The following EPC1 variants were observed in gnomAD, a reference collection of about 807,000 sequenced individuals.
EPC1 encodes enhancer of polycomb 1.
EPC1 carries 12 observed loss-of-function variants against 98.4 expected under a neutral mutation model. The observed-to-expected ratio is 0.12, with a 90% confidence interval of 0.08 to 0.20. EPC1 has a LOEUF of 0.20. EPC1 is among the 10% of genes least tolerant of loss of function. The pLI is 1.00. For synonymous variants in EPC1, 357 were observed against 363.9 expected, an observed-to-expected ratio of 0.98 and a Z score of 0.21; for missense variants, 729 against 990.5, an observed-to-expected ratio of 0.74 and a Z score of 3.54.
chr10:32,341,339 G>A (rs1838339478), intron 1 of EPC1, among the ~76,000 whole-genome samples: 1 of 151,970 alleles, frequency 6.6e-6, no homozygotes, highest in African/African-American at 2.4e-5. Flanking sequence ...GTCTGTGTGT[G>A]TGTATAGATT....
intron 1 of EPC1, among the ~76,000 whole-genome samples, chr10:32,333,690 G>A (rs1837777248): frequency 6.6e-6 from 1 of 152,156 alleles, no homozygotes; most frequent in African/African-American, 2.4e-5. Context: ...CAGTACCTCA[G>A]AATACTACTT....
chr10:32,315,233 A>G (rs1484842703), intron 1 of EPC1, among the ~76,000 whole-genome samples: 2 of 152,212 alleles, frequency 1.3e-5, no homozygotes, highest in African/African-American at 4.8e-5. Context: ...TCAGTATTTT[A>G]TAAAATACCA....
chr10:32,311,324 A>C (rs11008875), intron 1 of EPC1, among the ~76,000 whole-genome samples: 93,612 of 151,012 alleles, frequency 0.62, 30,222 homozygotes, highest in Middle Eastern at 0.76. Flanking sequence ...AAAAAAAAAA[A>C]AACAAAAAAG....
intron 1 of EPC1, among the ~76,000 whole-genome samples, chr10:32,329,072 T>C (rs544004484): frequency 3.9e-5 from 6 of 152,322 alleles, no homozygotes; most frequent in Non-Finnish European, 8.8e-5. Context: ...GTTAATGTGG[T>C]TGTTTCTGCC....
chr10:32,292,757 TA>T, intron 4 of EPC1, 113 bp from the exon 5 acceptor site: 2 of 1,099,938 alleles, frequency 1.8e-6, no homozygotes, highest in Non-Finnish European at 1.3e-6. Context: ...TTAAAGACAA[TA>T]AAAGGGAGCA....
intron 1 of EPC1, among the ~76,000 whole-genome samples, chr10:32,313,347 G>A (rs1836359244): frequency 6.6e-6 from 1 of 152,210 alleles, no homozygotes; most frequent in Non-Finnish European, 1.5e-5. Flanking sequence ...CTGGCACTGG[G>A]ACACAATGGC....
At chr10:32,279,232 C>G (rs1836268125) in intron 10 of EPC1, among the ~76,000 whole-genome samples, 1 of 151,942 alleles carries the variant, frequency 6.6e-6, no homozygotes, top group East Asian at 1.9e-4. Context: ...ACCTGTAGTC[C>G]CAGCTACTCG....
intron 1 of EPC1, among the ~76,000 whole-genome samples, chr10:32,376,703 C>A (rs777863663): frequency 6.6e-6 from 1 of 151,992 alleles, no homozygotes; most frequent in East Asian, 1.9e-4. Context: ...TTTACTTCAA[C>A]CTGTTAAATG....
chr10:32,378,193 G>A (rs11598602), intron 1 of EPC1, among the ~76,000 whole-genome samples: 23,402 of 151,956 alleles, frequency 0.15, 2,005 homozygotes, highest in Admixed American at 0.19. Context: ...GCACATATTT[G>A]GCATTGCCAA....
chr10:32,276,483 G>A (rs1836103919), intron 10 of EPC1, among the ~76,000 whole-genome samples: 1 of 152,226 alleles, frequency 6.6e-6, no homozygotes, highest in African/African-American at 2.4e-5. Context: ...CTGCACTCTG[G>A]CCTGGGCCAC....
At chr10:32,299,540 C>CCATCAT (rs5784280) in intron 2 of EPC1, among the ~76,000 whole-genome samples, 24,715 of 148,286 alleles carry the variant, frequency 0.17, 2,854 homozygotes, top group African/African-American at 0.33. Flanking sequence ...CCCCAAGCCT[C>CCATCAT]CATCATCATC....
chr10:32,317,350 A>G (rs542385387), intron 1 of EPC1, among the ~76,000 whole-genome samples: 1 of 152,344 alleles, frequency 6.6e-6, no homozygotes, highest in East Asian at 1.9e-4. Context: ...AAACAAAGAT[A>G]ACATTTCATA....
At chr10:32,300,395 C>T (rs931511583) in intron 2 of EPC1, among the ~76,000 whole-genome samples, 8 of 151,222 alleles carry the variant, frequency 5.3e-5, no homozygotes, top group African/African-American at 2.0e-4. Context: ...CCCTCCCGCC[C>T]CCGCTCCTGC....
chr10:32,331,792 G>C (rs1837656455), intron 1 of EPC1, among the ~76,000 whole-genome samples: 1 of 152,202 alleles, frequency 6.6e-6, no homozygotes, highest in South Asian at 2.1e-4. Context: ...TGTTTGATGA[G>C]TAAGTCATCT....
At chr10:32,294,419 T>C (rs1340892397) in intron 2 of EPC1, among the ~76,000 whole-genome samples, 1 of 152,254 alleles carries the variant, frequency 6.6e-6, no homozygotes, top group African/African-American at 2.4e-5. Context: ...TTTTATGTAA[T>C]ATTTTAAATA....
At chr10:32,368,881 G>C (rs941820309) in intron 1 of EPC1, among the ~76,000 whole-genome samples, 8 of 152,158 alleles carry the variant, frequency 5.3e-5, no homozygotes, top group Non-Finnish European at 1.2e-4. Flanking sequence ...AACTCATTGT[G>C]TTCTCTCAAC....
chr10:32,323,104 G>A (rs1293698313), intron 1 of EPC1, among the ~76,000 whole-genome samples: 1 of 43,404 alleles, frequency 2.3e-5, no homozygotes, highest in African/African-American at 6.6e-5. Flanking sequence ...CATGTACCCT[G>A]TAAATATGTA....
intron 1 of EPC1, among the ~76,000 whole-genome samples, chr10:32,332,839 C>T (rs1164424613): frequency 6.6e-6 from 1 of 152,202 alleles, no homozygotes; most frequent in East Asian, 1.9e-4. Context: ...TAACAGAACA[C>T]TGCAATGTTG....
At chr10:32,323,056 T>G (rs1247275136) in intron 1 of EPC1, among the ~76,000 whole-genome samples, 1 of 152,198 alleles carries the variant, frequency 6.6e-6, no homozygotes, top group African/African-American at 2.4e-5. Context: ...TTACCCTGAT[T>G]TGATCATTAC....
Sources: gnomAD v4.1 joint callset for allele counts (sites outside exome capture counted in the v4.1 genomes callset) on GRCh38, gnomAD v4.1.1 for gene constraint, MANE v1.5 for transcripts, NCBI Gene and HGNC (gene_info 2026-07-23, HGNC 2026-07-21) for gene names.